Variants in CARMIL1 observed in about 807,000 individuals in gnomAD.
CARMIL1 encodes the protein F-actin-uncapping protein LRRC16A.
Under a neutral mutation model 177.1 loss-of-function variants are expected in CARMIL1, and 90 were observed. The ratio of observed to expected loss-of-function variants is 0.51; its 90% CI spans 0.43 to 0.61. The LOEUF is 0.61. Ranked by LOEUF, CARMIL1 falls within the 20% of genes least tolerant of loss-of-function variation. The pLI is 0.00. For synonymous variants in CARMIL1, 577 were observed against 606.2 expected (o/e 0.95, Z 0.71); for missense variants, 1,380 against 1,667.0 (o/e 0.83, Z 3.00).
intron 2 of CARMIL1, among the ~76,000 whole-genome samples, chr6:25,390,095 G>GCGC (rs1225663271): frequency 2.6e-5 from 4 of 151,822 alleles, no homozygotes; most frequent in African/African-American, 7.3e-5. Context: ...TTGTGATTAG[G>GCGC]CAGCTCACTG....
At chr6:25,586,130 G>T (rs1813640566) in intron 31 of CARMIL1, among the ~76,000 whole-genome samples, 1 of 150,274 alleles carries the variant, frequency 6.7e-6, no homozygotes, top group African/African-American at 2.5e-5. Flanking sequence ...CGGCTGGCCG[G>T]GCGGGGGGTT....
chr6:25,279,684 T>G lies in CARMIL1; in HGVS notation c.-112T>G. 2.0e-6 allele frequency: 2 copies of G among 980,330 alleles called. No homozygotes were observed. The highest frequency in any genetic ancestry group is 3.3e-6 in the Non-Finnish European group (2 of 603,612). 60.7% of individuals were successfully genotyped at this position (980,330 alleles called of 1,614,324 possible). ...TCCGCCCCCCCTTTTCTTGCCCACT[T>G]CCATTTGCAAGCTGCATCTGCCTCT... On this transcript the variant is annotated 5_prime_UTR_variant, in exon 1 of 37. Coordinates refer to ENST00000329474, the MANE Select transcript of CARMIL1 (RefSeq NM_017640.6).
chr6:25,327,872 T>C (rs1290861396), intron 2 of CARMIL1, among the ~76,000 whole-genome samples: 2 of 152,260 alleles, frequency 1.3e-5, no homozygotes, highest in African/African-American at 4.8e-5. Context: ...ATAACTTGCA[T>C]ATCTCTTCAA....
At chr6:25,467,014 C>G (rs1254799558) in intron 9 of CARMIL1, among the ~76,000 whole-genome samples, 1 of 152,200 alleles carries the variant, frequency 6.6e-6, no homozygotes, top group African/African-American at 2.4e-5. Context: ...TTATTCATCT[C>G]TACCCAGTGC....
chr6:25,551,078 A>G lies in CARMIL1; in HGVS notation c.2497A>G (p.Lys833Glu). 1 of 1,612,248 alleles carries G rather than the reference A, an allele frequency of 6.2e-7. No homozygotes were observed. Residue 833 changes from lysine to glutamate, a missense_variant, in exon 27 of 37, where the codon AAA becomes GAA. Coordinates refer to ENST00000329474, the MANE Select transcript of CARMIL1 (RefSeq NM_017640.6). ...GCAGTCTGGAATTGATATCCTTAAC[A>G]AAATTAGGTAGGTTTATAATGTTAA... ...LEQSGIDILN[K>E]ISEVKLTVAS...
chr6:25,381,794 T>C (rs1427804768), intron 2 of CARMIL1, among the ~76,000 whole-genome samples: 1 of 152,186 alleles, frequency 6.6e-6, no homozygotes, highest in Non-Finnish European at 1.5e-5. Context: ...TTCCATTACA[T>C]AGTCATGGTT....
At chr6:25,321,889 A>G (rs1039991826) in intron 2 of CARMIL1, among the ~76,000 whole-genome samples, 2 of 151,886 alleles carry the variant, frequency 1.3e-5, no homozygotes, top group Non-Finnish European at 2.9e-5. Flanking sequence ...CAATCTCCTG[A>G]CCTCATGATC....
At chr6:25,388,170 T>C (rs1212899717) in intron 2 of CARMIL1, 2 of 151,880 alleles carry the variant, frequency 1.3e-5, no homozygotes, top group Non-Finnish European at 2.9e-5. Context: ...TTTCTTGATG[T>C]CAAGTTATGT....
At chr6:25,386,851 G>T (rs549410082) in intron 2 of CARMIL1, among the ~76,000 whole-genome samples, 1 of 152,098 alleles carries the variant, frequency 6.6e-6, no homozygotes, top group East Asian at 1.9e-4. Context: ...CATGAGGCCG[G>T]CTGTGGTGGC....
intron 2 of CARMIL1, among the ~76,000 whole-genome samples, chr6:25,348,933 G>T (rs983577128): frequency 6.6e-6 from 1 of 152,134 alleles, no homozygotes; most frequent in Non-Finnish European, 1.5e-5. Context: ...CTACCATCAC[G>T]CGTTTTAAAA....
chr6:25,527,119 C>T (rs987524312), intron 23 of CARMIL1, among the ~76,000 whole-genome samples: 1 of 152,146 alleles, frequency 6.6e-6, no homozygotes, highest in African/African-American at 2.4e-5. Context: ...AGGTTATCTC[C>T]CAGCTTGCTC....
intron 2 of CARMIL1, among the ~76,000 whole-genome samples, chr6:25,411,806 A>G (rs1480973344): frequency 2.0e-5 from 3 of 152,220 alleles, no homozygotes; most frequent in Non-Finnish European, 4.4e-5. Flanking sequence ...CGCCTATTGA[A>G]GAAGCACCTG....
In CARMIL1 at chr6:25,509,371, C is replaced by T. The variant is rs969008980; in HGVS notation, c.1396-285C>T. Among the ~76,000 whole-genome samples the T allele has an allele frequency of 5.3e-5, 8 of 152,112 alleles. No individual in the cohort carries two copies. Among genetic ancestry groups the T allele is most frequent in the Admixed American group, 2.6e-4 (4 of 15,274 alleles). On this transcript the variant is annotated intron_variant, in intron 17 of 36. Coordinates refer to ENST00000329474, the MANE Select transcript of CARMIL1 (RefSeq NM_017640.6). This position sits in a 1 kb window ranked among gnomAD's most constrained non-coding sequence, Gnocchi z 4.1. ...ATTCTTCTGGGTTGATAATGCACTG[C>T]TTTGCTACTATAGTGGCGTGGGTGG...
At chr6:25,546,678 A>C (rs1375450963) in intron 26 of CARMIL1, among the ~76,000 whole-genome samples, 140 of 89,354 alleles carry the variant, frequency 1.6e-3, no homozygotes, top group African/African-American at 4.6e-3. Flanking sequence ...ACAAAAAAAA[A>C]AAAAAAAAAA....
chr6:25,549,147 CAA>C (rs938037466), intron 26 of CARMIL1, among the ~76,000 whole-genome samples: 9 of 152,286 alleles, frequency 5.9e-5, no homozygotes, highest in Admixed American at 5.9e-4. Flanking sequence ...CAGAGATCCG[CAA>C]AGATTATTCA....
intron 2 of CARMIL1, among the ~76,000 whole-genome samples, chr6:25,288,157 GA>G (rs1426382230): frequency 1.3e-5 from 2 of 152,230 alleles, no homozygotes; most frequent in Non-Finnish European, 2.9e-5. Flanking sequence ...TTCACTGGAT[GA>G]GTAGGAGTTA....
intron 2 of CARMIL1, among the ~76,000 whole-genome samples, chr6:25,355,003 A>T (rs1788447501): frequency 6.6e-6 from 1 of 152,196 alleles, no homozygotes; most frequent in Admixed American, 6.5e-5. Context: ...GTCTACTGAC[A>T]GAGACCCTCT....
intron 2 of CARMIL1, among the ~76,000 whole-genome samples, chr6:25,305,960 AT>A (rs1783225118): frequency 6.6e-6 from 1 of 152,280 alleles, no homozygotes; most frequent in South Asian, 2.1e-4. Flanking sequence ...AAAATTTACC[AT>A]TTTAACCACT....
intron 26 of CARMIL1, among the ~76,000 whole-genome samples, chr6:25,545,805 G>A (rs1015992902): frequency 6.6e-6 from 1 of 152,116 alleles, no homozygotes; most frequent in Non-Finnish European, 1.5e-5. Context: ...TAACTCATGG[G>A]TCAAAGAGGA....
Sources: gnomAD v4.1 joint callset for allele counts (sites outside exome capture counted in the v4.1 genomes callset) on GRCh38, gnomAD v4.1.1 for gene constraint, Gnocchi (gnomAD v3.1) non-coding constraint, MANE v1.5 for transcripts, NCBI Gene and HGNC (gene_info 2026-07-23, HGNC 2026-07-21) for gene names.